BOLL: variants seen among roughly 807,000 people sequenced by gnomAD.
BOLL encodes the protein boule RNA binding protein, also known as protein boule-like.
BOLL carries 23 observed loss-of-function variants against 44.4 expected under a neutral mutation model. The observed-to-expected ratio is 0.52, with a 90% confidence interval of 0.37 to 0.73. BOLL has a LOEUF of 0.73. BOLL is among the 30% of genes least tolerant of loss of function. BOLL has a pLI of 0.00. For missense variants in BOLL, 287 were observed against 338.3 expected (o/e 0.85, Z 1.19); for synonymous variants, 97 against 110.8 (o/e 0.88, Z 0.78).
At chr2:197,734,974 AG>A (rs575270022) in intron 10 of BOLL, among the ~76,000 whole-genome samples, 95 of 152,210 alleles carry the variant, frequency 6.2e-4, no homozygotes, top group Non-Finnish European at 1.2e-3. Context: ...ATTAAAAAAA[AG>A]AATTCTATTT....
chr2:197,786,021 A>C, upstream of BOLL: 1 of 1,611,024 alleles, frequency 6.2e-7, no homozygotes, highest in Non-Finnish European at 8.5e-7. This position sits in a 1 kb window ranked among gnomAD's most constrained non-coding sequence, Gnocchi z 5.9. Flanking sequence ...TCTGCTCTTC[A>C]GAGACGCGGG....
Position 197,766,517 on chromosome 2 carries a change from G to A in BOLL, c.552+15C>T, listed in dbSNP as rs184278475. ...GAAAGTTTCAGAGAGAATTTTAATT[G>A]TAATTTATGTTTACCTGGTAGTGAT... On this transcript the variant is annotated intron_variant, in intron 7 of 10. Transcript: ENST00000392296. 3.5e-5 allele frequency: 56 copies of A among 1,587,520 alleles called. No homozygotes were observed. The East Asian group carries it at 1.3e-3, about 35-fold the overall frequency.
At chr2:197,779,439 C>A (rs1689666870) in intron 2 of BOLL, among the ~76,000 whole-genome samples, 1 of 151,914 alleles carries the variant, frequency 6.6e-6, no homozygotes, top group Non-Finnish European at 1.5e-5. Flanking sequence ...GCTCTTGTGG[C>A]TCAGAGACAG....
At chr2:197,766,676 T>G in intron 6 of BOLL, 73 bp from the exon 7 acceptor site, 1 of 1,108,018 alleles carries the variant, frequency 9.0e-7, no homozygotes, top group Non-Finnish European at 1.3e-6. Context: ...TATCTCAAAT[T>G]ATTACCTAAA....
At chr2:197,739,137 C>T (rs1339799427) in intron 10 of BOLL, among the ~76,000 whole-genome samples, 2 of 152,046 alleles carry the variant, frequency 1.3e-5, no homozygotes, top group Non-Finnish European at 2.9e-5. Context: ...ATGCATAGAA[C>T]ATTTAATCTT....
At chr2:197,730,600 C>T (rs1316807029) in intron 10 of BOLL, among the ~76,000 whole-genome samples, 1 of 149,424 alleles carries the variant, frequency 6.7e-6, no homozygotes, top group Non-Finnish European at 1.5e-5. Flanking sequence ...GCCCATCAGA[C>T]TAACAGCGGA....
At chr2:197,729,912 T>A (rs1687070022) in intron 10 of BOLL, among the ~76,000 whole-genome samples, 2 of 152,076 alleles carry the variant, frequency 1.3e-5, no homozygotes, top group African/African-American at 4.8e-5. Flanking sequence ...GTGTCTCTCC[T>A]CCTCCAAAGG....
chr2:197,784,687 C>T (rs1574877112), intron 1 of BOLL: 1 of 979,648 alleles, frequency 1.0e-6, no homozygotes, highest in South Asian at 4.7e-5. Context: ...CTTGGCCTCC[C>T]AAAGTGCTGG....
chr2:197,746,899 GAAA>G (rs35300403), intron 9 of BOLL, among the ~76,000 whole-genome samples: 7 of 94,066 alleles, frequency 7.4e-5, no homozygotes, highest in African/African-American at 2.1e-4. Flanking sequence ...ACTCTGTCTC[GAAA>G]AAAAAAAAAA....
At chr2:197,759,079 G>A in intron 7 of BOLL, 4 of 1,139,428 alleles carry the variant, frequency 3.5e-6, no homozygotes, top group African/African-American at 1.5e-5. Context: ...TTTTCCACTG[G>A]CTCCCCACCC....
rs568961880 is a variant in BOLL at position 197,746,805 on chromosome 2, CAG to C, written c.730-3648_730-3647del. On this transcript the variant is annotated intron_variant, in intron 9 of 10. Transcript: ENST00000392296. The stretch of plus-strand genomic sequence containing the variant: ...GTCCCAGCTATTTGGGAGGCTGGGA[CAG>C]GGGGATCGCTTGAACCCGGGAGGCA... 3.4e-5 allele frequency among the ~76,000 whole-genome samples: 5 copies of C among 148,982 alleles called. No homozygotes were observed. In the East Asian group the frequency reaches 7.9e-4, roughly 24 times the overall value.
chr2:197,769,856 C>T (rs1217246996), intron 6 of BOLL, among the ~76,000 whole-genome samples: 1 of 152,136 alleles, frequency 6.6e-6, no homozygotes, highest in Admixed American at 6.6e-5. Flanking sequence ...AAAGAGGACA[C>T]AAACAAATGG....
chr2:197,781,967 G>A lies in BOLL; in HGVS notation c.-15-102C>T, dbSNP rs183103542. On this transcript the variant is annotated intron_variant, in intron 1 of 10. Transcript: ENST00000392296. ...ATTTTTCAAAAAGAAGAGTCATTTA[G>A]GCAAAATATAGTATTCTAGGCTTTA... The A allele has an allele frequency of 1.0e-3, 1,039 of 1,014,174 alleles. 6 individuals carry two copies. In the African/African-American group the frequency reaches 0.015, roughly 14 times the overall value. The allele number at this position is 1,014,174 out of a possible 1,614,324, so 62.8% of individuals were successfully genotyped here. A position where few individuals can be genotyped will look rare whatever the true frequency, so the allele number is the denominator to read the frequency against.
intron 10 of BOLL, among the ~76,000 whole-genome samples, chr2:197,741,001 T>C (rs1037168621): frequency 8.5e-5 from 13 of 152,194 alleles, no homozygotes; most frequent in African/African-American, 2.9e-4. Flanking sequence ...AAAGTAGTTT[T>C]TTCCAATTCT....
At chr2:197,756,611 C>A in intron 8 of BOLL, 55 bp from the exon 9 acceptor site, 1 of 1,477,768 alleles carries the variant, frequency 6.8e-7, no homozygotes, top group Non-Finnish European at 9.1e-7. Flanking sequence ...TTCTGTTAAA[C>A]CAAATGACTT....
intron 10 of BOLL, among the ~76,000 whole-genome samples, chr2:197,736,951 A>G (rs970195620): frequency 6.6e-5 from 10 of 152,110 alleles, no homozygotes; most frequent in Non-Finnish European, 1.0e-4. Context: ...GAAGAATTAA[A>G]AATATCCCTC....
At chr2:197,741,296 G>A (rs1687719856) in intron 10 of BOLL, among the ~76,000 whole-genome samples, 1 of 152,148 alleles carries the variant, frequency 6.6e-6, no homozygotes, top group African/African-American at 2.4e-5. Context: ...TGTTATTGGT[G>A]TATAAGAATA....
chr2:197,751,182 A>G (rs1688230858), intron 9 of BOLL, among the ~76,000 whole-genome samples: 1 of 152,228 alleles, frequency 6.6e-6, no homozygotes, highest in Non-Finnish European at 1.5e-5. Context: ...CTAAATGCCC[A>G]CAGAAGAAAG....
At chr2:197,784,454 G>T (rs1403892325) in intron 1 of BOLL, among the ~76,000 whole-genome samples, 1 of 115,002 alleles carries the variant, frequency 8.7e-6, no homozygotes, top group Non-Finnish European at 1.7e-5. Context: ...ATATATTTGA[G>T]ACAGTCTTGC....
Sources: gnomAD v4.1 joint callset for allele counts (sites outside exome capture counted in the v4.1 genomes callset) on GRCh38, gnomAD v4.1.1 for gene constraint, Gnocchi (gnomAD v3.1) non-coding constraint, MANE v1.5 for transcripts, NCBI Gene and HGNC (gene_info 2026-07-23, HGNC 2026-07-21) for gene names.